FGB: variants seen among roughly 807,000 people sequenced by gnomAD.
FGB encodes the protein fibrinogen beta chain.
FGB carries 25 observed loss-of-function variants against 57.9 expected under a neutral mutation model. The observed-to-expected ratio is 0.43, with a 90% CI of 0.31 to 0.60. The LOEUF (loss-of-function observed/expected upper bound fraction) is 0.60, where lower values mean the gene tolerates loss of function less well. FGB is among the 20% of genes least tolerant of loss of function. The pLI is 0.08. For missense variants in FGB, 536 were observed against 598.4 expected (o/e 0.90, Z 1.09); for synonymous variants, 203 against 199.2 (o/e 1.02, Z -0.16).
Position 154,565,987 on chromosome 4 carries a change from T to C in FGB, c.294T>C (p.Ala98=). The change falls in exon 2 of 8, where the codon GCT becomes GCC. Residue 98 remains alanine, a synonymous_variant. Transcript: ENST00000302068. ...KAPDAGGCLH[A]DPDLGVLCPT... ...CTGATGCTGGAGGCTGTCTTCACGC[T>C]GACCCAGACCTGGTGGGTGCACTGA... 1.2e-6 allele frequency: 2 copies of C among 1,613,298 alleles called. No homozygotes were observed. The highest frequency in any genetic ancestry group is 1.7e-6 in the Non-Finnish European group (2 of 1,179,946).
At chr4:154,567,159 T>C (rs768567285) in intron 3 of FGB, among the ~76,000 whole-genome samples, 27 of 152,270 alleles carry the variant, frequency 1.8e-4, no homozygotes, top group Middle Eastern at 3.4e-3. Context: ...ATACCCACAG[T>C]TGGAAATTTT....
Position 154,569,207 on chromosome 4 carries a change from A to G in FGB, c.858A>G (p.Gln286=). Residue 286 remains glutamine (Q), a synonymous_variant, in exon 6 of 8, where the codon CAA becomes CAG. Transcript: ENST00000302068. ...NGGWTVIQNR[Q]DGSVDFGRKW... Reference sequence around the variant, plus strand: ...GATGGACAGTGATTCAGAACCGTCAAGACGGTAGTGTTGACTTTGGCAGGA... The same window carrying G: ...GATGGACAGTGATTCAGAACCGTCAGGACGGTAGTGTTGACTTTGGCAGGA... The G allele has an allele frequency of 1.2e-6, 2 of 1,614,142 alleles. No individual in the cohort carries two copies. The highest frequency in any genetic ancestry group is 2.2e-5 in the South Asian group (2 of 91,082).
rs1476220602 is a variant in FGB at position 154,570,938 on chromosome 4, G to A, written c.*288G>A. 1.8e-5 allele frequency: 8 copies of A among 440,322 alleles called. 1 individual carries two copies. The highest frequency in any genetic ancestry group is 1.3e-4 in the South Asian group (6 of 45,570). The allele number at this position is 440,322 out of a possible 1,614,324, so 27.3% of individuals were successfully genotyped here. A position where few individuals can be genotyped will look rare whatever the true frequency, so the allele number is the denominator to read the frequency against. ...GAGAATTTTCAAATAAGGAAGAGGGGTCTTTTATCCTTGTCGTAGGAAAAC... is the reference window on the plus strand; with the variant it reads ...GAGAATTTTCAAATAAGGAAGAGGGATCTTTTATCCTTGTCGTAGGAAAAC... On this transcript the variant is annotated 3_prime_UTR_variant, in exon 8 of 8. Transcript: ENST00000302068.
chr4:154,568,509 G>GT lies in FGB; in HGVS notation c.832+17dup, dbSNP rs1195105689. The GT allele has an allele frequency of 7.8e-7, 1 of 1,273,898 alleles. No individual in the cohort carries two copies. The highest frequency in any genetic ancestry group is 2.3e-5 in the East Asian group (1 of 43,392). The allele number at this position is 1,273,898 out of a possible 1,614,324, so 78.9% of individuals were successfully genotyped here. A position where few individuals can be genotyped will look rare whatever the true frequency, so the allele number is the denominator to read the frequency against. The stretch of plus-strand genomic sequence containing the variant: ...AGAAAATGGAGGTAAGCTTTCGACA[G>GT]TTGTTGACCTGTTGATCTGTAATTA... On this transcript the variant is annotated intron_variant, in intron 5 of 7. Transcript: ENST00000302068.
In FGB at chr4:154,570,723, T is replaced by A. The variant is rs967011566; in HGVS notation, c.*73T>A. Reference sequence around the variant, plus strand: ...TACATTATGTTATTGGAATTTTCTTTCATACATTATATTCCTCTAAAACTC... The same window carrying A: ...TACATTATGTTATTGGAATTTTCTTACATACATTATATTCCTCTAAAACTC... On this transcript the variant is annotated 3_prime_UTR_variant, in exon 8 of 8. Transcript: ENST00000302068. The A allele has an allele frequency of 8.7e-7, 1 of 1,144,928 alleles. No individual in the cohort carries two copies. The highest frequency in any genetic ancestry group is 2.4e-5 in the East Asian group (1 of 40,856). The allele number at this position is 1,144,928 out of a possible 1,614,324, so 70.9% of individuals were successfully genotyped here. A position where few individuals can be genotyped will look rare whatever the true frequency, so the allele number is the denominator to read the frequency against.
intron 3 of FGB, 111 bp from the exon 4 acceptor site, chr4:154,567,482 A>T (rs1009422733): frequency 2.8e-5 from 20 of 711,112 alleles, no homozygotes; most frequent in South Asian, 6.4e-5. Context: ...CTGCTTGGTG[A>T]TAGCTCAGTG....
chr4:154,570,078 A>C (rs1730355236), intron 7 of FGB, among the ~76,000 whole-genome samples: 2 of 152,334 alleles, frequency 1.3e-5, no homozygotes, highest in Non-Finnish European at 2.9e-5. Context: ...CTGAATAATG[A>C]GCATTTAGAT....
chr4:154,569,796 G>A lies in FGB; in HGVS notation c.1241G>A (p.Gly414Asp). Residue 414 changes from glycine (G) to aspartate (D), a missense_variant, in exon 7 of 8, where the codon GGC becomes GAC. Physicochemically the swap from Gly to Asp is moderately conservative, Grantham distance 94. Coordinates refer to ENST00000302068, the MANE Select transcript of FGB (RefSeq NM_005141.5). ...AGCACGTATGACAGAGACAATGACG[G>A]CTGGTATGTGTGGCACTCTTTGCTC... ...FFSTYDRDND[G>D]WLTSDPRKQC... The A allele has an allele frequency of 3.7e-6, 6 of 1,614,118 alleles. No individual in the cohort carries two copies. The highest frequency in any genetic ancestry group is 4.2e-6 in the Non-Finnish European group (5 of 1,180,014).
At chr4:154,565,188 G>A (rs778568934) in intron 1 of FGB, 5 of 464,058 alleles carry the variant, frequency 1.1e-5, no homozygotes, top group African/African-American at 2.0e-5. Flanking sequence ...TTTTACAGAT[G>A]AGAAAACTGG....
At chr4:154,564,760 CA>C (rs201531228) in intron 1 of FGB, among the ~76,000 whole-genome samples, 114 of 144,232 alleles carry the variant, frequency 7.9e-4, no homozygotes, top group East Asian at 3.8e-3. Flanking sequence ...TAGCTACTGA[CA>C]AAAAAAAAAA....
In FGB at chr4:154,570,970, G is replaced by A. The variant is rs1730399729; in HGVS notation, c.*320G>A. ...ATCCTTGTCGTAGGAAAACCATGAC[G>A]GAAAGGAAAAACTGATGTTTAAAAG... On this transcript the variant is annotated 3_prime_UTR_variant, in exon 8 of 8. Coordinates refer to ENST00000302068, the MANE Select transcript of FGB (RefSeq NM_005141.5). 1.1e-5 allele frequency: 4 copies of A among 368,606 alleles called. No homozygotes were observed. The highest frequency in any genetic ancestry group is 2.6e-5 in the South Asian group (1 of 38,938). The allele number at this position is 368,606 out of a possible 1,614,324, so 22.8% of individuals were successfully genotyped here. A position where few individuals can be genotyped will look rare whatever the true frequency, so the allele number is the denominator to read the frequency against.
In FGB at chr4:154,569,274, A is replaced by T. The variant is rs181245987; in HGVS notation, c.925A>T (p.Asn309Tyr). Residue 309 changes from asparagine (N) to tyrosine (Y), a missense_variant, in exon 6 of 8, where the codon AAC (asparagine) becomes TAC (tyrosine). Asn to Tyr is a moderately radical substitution (Grantham distance 143). Transcript: ENST00000302068. ...ACAGGGATTTGGAAATGTTGCAACC[A>T]ACACAGATGGGAAGAATTACTGTGG... ...YKQGFGNVAT[N>Y]TDGKNYCGLP... The T allele has an allele frequency of 3.8e-5, 62 of 1,614,170 alleles. No individual in the cohort carries two copies. The East Asian group carries it at 1.3e-3, about 34-fold the overall frequency.
intron 4 of FGB, 127 bp downstream of exon 4, chr4:154,567,947 C>A: frequency 1.3e-6 from 1 of 786,448 alleles, no homozygotes; most frequent in Non-Finnish European, 2.2e-6. Flanking sequence ...CATTACAGTA[C>A]ATCATAAAAA....
At chr4:154,564,217 G>T (rs1258573871) in intron 1 of FGB, among the ~76,000 whole-genome samples, 2 of 151,982 alleles carry the variant, frequency 1.3e-5, no homozygotes, top group African/African-American at 2.4e-5. Flanking sequence ...AATGGATTTT[G>T]ATTATTCAAC....
In FGB at chr4:154,566,003, G is replaced by A; in HGVS notation, c.306+4G>A. ...TCTTCACGCTGACCCAGACCTGGTG[G>A]GTGCACTGATGTTTCTTGCAGTGGT... On this transcript the variant is annotated splice_donor_region_variant and intron_variant, in intron 2 of 7. Transcript: ENST00000302068. 6.2e-7 allele frequency: 1 copy of A among 1,612,508 alleles called. No individual in the cohort carries two copies. The highest frequency in any genetic ancestry group is 8.5e-7 in the Non-Finnish European group (1 of 1,179,778).
intron 1 of FGB, among the ~76,000 whole-genome samples, chr4:154,563,734 A>G (rs1331997627): frequency 1.3e-5 from 2 of 151,930 alleles, no homozygotes; most frequent in African/African-American, 4.8e-5. Flanking sequence ...AGTCTAATTT[A>G]TTTATTTGTA....
rs750593479 is a variant in FGB at position 154,565,881 on chromosome 4, C to T, written c.188C>T (p.Pro63Leu). Residue 63 changes from proline (P) to leucine (L), a missense_variant, in exon 2 of 8, where the codon CCA (proline) becomes CTA (leucine). Transcript: ENST00000302068. Reference sequence around the variant, plus strand: ...GAGGCTCCCAGCCTGAGGCCTGCCCCACCGCCCATCAGTGGAGGTGGCTAT... The same window carrying T: ...GAGGCTCCCAGCCTGAGGCCTGCCCTACCGCCCATCAGTGGAGGTGGCTAT... ...REEAPSLRPAPPPISGGGYRA... is the reference protein window; with the variant it reads ...REEAPSLRPALPPISGGGYRA... The T allele has an allele frequency of 1.2e-6, 2 of 1,614,160 alleles. No homozygotes were observed. Among genetic ancestry groups the T allele is most frequent in the Admixed American group, 3.3e-5 (2 of 60,012 alleles).
Position 154,567,640 on chromosome 4 carries a change from C to T in FGB, c.538C>T (p.Gln180Ter). ...NEYSSELEKH[Q>*]LYIDETVNSN... The stretch of plus-strand genomic sequence containing the variant: ...GTACTCCTCAGAACTGGAAAAGCAC[C>T]AATTATATATAGATGAGACTGTGAA... The change falls in exon 4 of 8, where the codon CAA becomes TAA. Residue 180 changes from glutamine to a stop codon, truncating the protein, a stop_gained. Coordinates refer to ENST00000302068, the MANE Select transcript of FGB (RefSeq NM_005141.5). LOFTEE classifies it high-confidence loss of function. 1.2e-6 allele frequency: 2 copies of T among 1,612,506 alleles called. No homozygotes were observed. The highest frequency in any genetic ancestry group is 1.3e-5 in the African/African-American group (1 of 74,978).
Position 154,563,022 on chromosome 4 carries a change from A to T in FGB, c.4A>T (p.Lys2Ter), listed in dbSNP as rs6053. The part of the protein sequence containing the change: M[K>*]RMVSWSFHKL... ...AAGATCTCTCAGTTAAGTCTACATGAAAAGGATGGTTTCTTGGAGCTTCCA... is the reference window on the plus strand; with the variant it reads ...AAGATCTCTCAGTTAAGTCTACATGTAAAGGATGGTTTCTTGGAGCTTCCA... The change falls in exon 1 of 8, where the codon AAA becomes TAA. Residue 2 changes from lysine to a stop codon, truncating the protein, a stop_gained. Transcript: ENST00000302068. LOFTEE classifies it high-confidence loss of function. 6.6e-7 allele frequency: 1 copy of T among 1,507,022 alleles called. No individual in the cohort carries two copies. Among genetic ancestry groups the T allele is most frequent in the Non-Finnish European group, 9.1e-7 (1 of 1,100,852 alleles). The allele number at this position is 1,507,022 out of a possible 1,614,324, so 93.4% of individuals were successfully genotyped here. A position where few individuals can be genotyped will look rare whatever the true frequency, so the allele number is the denominator to read the frequency against.
Sources: gnomAD v4.1 joint callset for allele counts (sites outside exome capture counted in the v4.1 genomes callset) on GRCh38, gnomAD v4.1.1 for gene constraint, MANE v1.5 for transcripts, NCBI Gene and HGNC (gene_info 2026-07-23, HGNC 2026-07-21) for gene names.